Variants in KIF19 observed in about 807,000 individuals in gnomAD.
The protein encoded by KIF19 is kinesin-like protein KIF19.
In KIF19, 98 loss-of-function variants were observed where a neutral mutation model predicts 106.6. That is an observed-to-expected ratio of 0.92 (90% CI 0.78 to 1.09). The LOEUF (loss-of-function observed/expected upper bound fraction) is 1.09. KIF19 is among the 50% of genes least tolerant of loss of function. The pLI, the probability that KIF19 is intolerant of heterozygous loss-of-function variation, is 0.00. For synonymous variants in KIF19, 516 were observed against 584.2 expected (o/e 0.88, Z 1.68); for missense variants, 1,373 against 1,414.3 (o/e 0.97, Z 0.47).
In KIF19 at chr17:74,343,168, C is replaced by T; in HGVS notation, c.456+8C>T. Reference sequence around the variant, plus strand: ...TCCATGTCCTACCTGGAGGTGAGTCCCCCAGCCTAGGCTCAGATGGGGCTG... The same window carrying T: ...TCCATGTCCTACCTGGAGGTGAGTCTCCCAGCCTAGGCTCAGATGGGGCTG... On this transcript the variant is annotated splice_region_variant and intron_variant, in intron 5 of 19. Coordinates refer to ENST00000389916, the MANE Select transcript of KIF19 (RefSeq NM_153209.4). 1 of 1,611,366 alleles carries T rather than the reference C, an allele frequency of 6.2e-7. No homozygotes were observed. Among genetic ancestry groups the T allele is most frequent in the Non-Finnish European group, 8.5e-7 (1 of 1,179,456 alleles).
At chr17:74,342,984 C>T (rs1348607444) in intron 4 of KIF19, 40 bp from the exon 5 acceptor site, 3 of 1,547,836 alleles carry the variant, frequency 1.9e-6, no homozygotes, top group Non-Finnish European at 2.6e-6. Flanking sequence ...GCCTCCCTCC[C>T]AGCCCCACCC....
At position 74,331,101 on chromosome 17, in the gene KIF19, G is replaced by T. The variant is rs958343966; in HGVS notation, c.120+2596G>T. Reference sequence around the variant, plus strand: ...GATACATGAACCCAGGAAGCAAAATGCACATGGACCCCCCCTTACCCTTGT... The same window carrying T: ...GATACATGAACCCAGGAAGCAAAATTCACATGGACCCCCCCTTACCCTTGT... On this transcript the variant is annotated intron_variant, in intron 2 of 19. Transcript: ENST00000389916. This position sits in a 1 kb window ranked among gnomAD's most constrained non-coding sequence, Gnocchi z 4.1. 2.6e-5 allele frequency among the ~76,000 whole-genome samples: 4 copies of T among 152,108 alleles called. No homozygotes were observed. The highest frequency in any genetic ancestry group is 4.4e-5 in the Non-Finnish European group (3 of 68,018).
intron 6 of KIF19, 123 bp downstream of exon 6, chr17:74,344,471 A>G: frequency 7.0e-7 from 1 of 1,424,588 alleles, no homozygotes; most frequent in Non-Finnish European, 9.4e-7. Flanking sequence ...CAGACAGGAG[A>G]ATCCTGAGTG....
chr17:74,340,745 A>G (rs1452385042), intron 2 of KIF19, among the ~76,000 whole-genome samples: 3 of 152,188 alleles, frequency 2.0e-5, no homozygotes, highest in African/African-American at 7.2e-5. Context: ...CAGCCCTCTC[A>G]GCTGCGAGTG....
chr17:74,349,469 A>G, intron 10 of KIF19, 120 bp downstream of exon 10: 1 of 992,608 alleles, frequency 1.0e-6, no homozygotes. Context: ...TGGTTGAGCT[A>G]GGCACTCACC....
chr17:74,332,194 GTGTGTGTGTGTGTGTT>G lies in KIF19; in HGVS notation c.120+3705_120+3720del, dbSNP rs1205804082. 5.5e-3 allele frequency among the ~76,000 whole-genome samples: 343 copies of G among 62,868 alleles called. 4 individuals are homozygous for G. The highest frequency in any genetic ancestry group is 0.019 in the African/African-American group (317 of 16,496). The allele number at this position is 62,868 out of a possible 152,430, so 41.2% of individuals were successfully genotyped here. ...TGAACACCTCAGTGTGTGTGTGTGT[GTGTGTGTGTGTGTGTT>G]TGTGTGTGTGTGTGTGTGTGTGTGT... On this transcript the variant is annotated intron_variant, in intron 2 of 19. Coordinates refer to ENST00000389916, the MANE Select transcript of KIF19 (RefSeq NM_153209.4).
intron 2 of KIF19, among the ~76,000 whole-genome samples, chr17:74,333,347 AG>A (rs1303821259): frequency 6.6e-6 from 1 of 150,486 alleles, no homozygotes; most frequent in Non-Finnish European, 1.5e-5. Context: ...GGAATCATGC[AG>A]TATGTGGTCC....
intron 2 of KIF19, among the ~76,000 whole-genome samples, chr17:74,336,119 A>G (rs1289531078): frequency 6.6e-6 from 1 of 152,142 alleles, no homozygotes; most frequent in Non-Finnish European, 1.5e-5. Context: ...CCCAGGCTGG[A>G]TTGCAGTGGC....
chr17:74,348,911 C>T (rs767065454), intron 9 of KIF19: 214 of 484,820 alleles, frequency 4.4e-4, no homozygotes, highest in Non-Finnish European at 6.5e-4. Flanking sequence ...CATGCAGGAG[C>T]GGTGAGCCCA....
chr17:74,349,291 G>C lies in KIF19; in HGVS notation c.1155G>C (p.Gln385His). The C allele has an allele frequency of 6.2e-7, 1 of 1,612,814 alleles. No homozygotes were observed. The highest frequency in any genetic ancestry group is 8.5e-7 in the Non-Finnish European group (1 of 1,179,588). ...IQRLKRKIDE[Q>H]TGRGQARGRQ... The stretch of plus-strand genomic sequence containing the variant: ...GACTCAAGCGCAAGATTGATGAGCA[G>C]ACTGGGCGGGGCCAGGCCCGGGGCC... Residue 385 changes from glutamine to histidine, a missense_variant, in exon 10 of 20, where the codon CAG becomes CAC. Coordinates refer to ENST00000389916, the MANE Select transcript of KIF19 (RefSeq NM_153209.4).
Position 74,331,722 on chromosome 17 carries a change from G to C in KIF19, c.120+3217G>C, listed in dbSNP as rs899959338. On this transcript the variant is annotated intron_variant, in intron 2 of 19. Coordinates refer to ENST00000389916, the MANE Select transcript of KIF19 (RefSeq NM_153209.4). This position sits in a 1 kb window ranked among gnomAD's most constrained non-coding sequence, Gnocchi z 4.1. ...CTCCCATGTAGCTGGGATTACGGGC[G>C]CGCGCCACCGTGCCCAGCTAATTTT... Among the ~76,000 whole-genome samples, 1 of 151,966 alleles carries C rather than the reference G, an allele frequency of 6.6e-6. No individual in the cohort carries two copies.
chr17:74,334,260 G>A (rs1232740726), intron 2 of KIF19, among the ~76,000 whole-genome samples: 4 of 152,138 alleles, frequency 2.6e-5, no homozygotes, highest in African/African-American at 9.7e-5. Flanking sequence ...TAGGTTGCAA[G>A]GATCCTTACA....
rs2054532927 is a variant in KIF19 at position 74,346,439 on chromosome 17, T to C, written c.839T>C (p.Leu280Pro). 6.4e-7 allele frequency: 1 copy of C among 1,569,950 alleles called. No individual in the cohort carries two copies. The highest frequency in any genetic ancestry group is 8.6e-7 in the Non-Finnish European group (1 of 1,157,744). The part of the protein sequence containing the change: ...GAHINRSLLA[L>P]GNCINALSDK... ...CACATCAACCGCTCACTGCTGGCAC[T>C]GGGCAACTGCATCAACGCCCTGAGC... is the stretch of plus-strand genomic sequence containing the variant. The change falls in exon 8 of 20, where the codon CTG becomes CCG. Residue 280 changes from leucine to proline, a missense_variant. Leu to Pro is a moderately conservative substitution (Grantham distance 98). Coordinates refer to ENST00000389916, the MANE Select transcript of KIF19 (RefSeq NM_153209.4). The surrounding 1 kb of genome is among the most constrained non-coding windows in gnomAD (Gnocchi z 4.6).
At chr17:74,330,709 G>T (rs2054053673) in intron 2 of KIF19, among the ~76,000 whole-genome samples, 1 of 152,228 alleles carries the variant, frequency 6.6e-6, no homozygotes, top group Admixed American at 6.5e-5. Context: ...CCTGCGTGTG[G>T]AGCAGGAGGG....
chr17:74,354,500 T>G lies in KIF19; in HGVS notation c.2647T>G (p.Ser883Ala). ...AAGCCTGGGCAAGAAAAGGGAGGAG[T>G]CGCTGGAGGCAAAGAGAAGGAAGCG... ...KKSLGKKREE[S>A]LEAKRRKRRS... Residue 883 changes from serine (S) to alanine (A), a missense_variant, in exon 18 of 20, where the codon TCG becomes GCG. Transcript: ENST00000389916. The G allele has an allele frequency of 6.2e-7, 1 of 1,603,062 alleles. No individual in the cohort carries two copies. The highest frequency in any genetic ancestry group is 8.5e-7 in the Non-Finnish European group (1 of 1,176,012).
chr17:74,344,794 A>G lies in KIF19; in HGVS notation c.616A>G (p.Arg206Gly). Residue 206 changes from arginine to glycine, a missense_variant, in exon 7 of 20, where the codon AGG (arginine) becomes GGG (glycine). Physicochemically the swap from Arg to Gly is moderately radical, Grantham distance 125. This residue lies in a region of KIF19 where 348 missense variants were observed against 389.5 expected (regional missense o/e 0.89). Transcript: ENST00000389916. The stretch of plus-strand genomic sequence containing the variant: ...GCTGCTGATGAAGGGGAACCGGCAG[A>G]GGACCCAGGAGCCCACGGCCGCCAA... ...MQLLMKGNRQRTQEPTAANQT... is the reference protein window; with the variant it reads ...MQLLMKGNRQGTQEPTAANQT... 6.2e-7 allele frequency: 1 copy of G among 1,610,642 alleles called. No homozygotes were observed. The highest frequency in any genetic ancestry group is 1.1e-5 in the South Asian group (1 of 91,000).
At position 74,331,721 on chromosome 17, in the gene KIF19, C is replaced by T. The variant is rs1215929674; in HGVS notation, c.120+3216C>T. Among the ~76,000 whole-genome samples the T allele has an allele frequency of 3.3e-5, 5 of 151,872 alleles. No homozygotes were observed. The highest frequency in any genetic ancestry group is 2.1e-4 in the South Asian group (1 of 4,812). On this transcript the variant is annotated intron_variant, in intron 2 of 19. Coordinates refer to ENST00000389916, the MANE Select transcript of KIF19 (RefSeq NM_153209.4). The surrounding 1 kb of genome is among the most constrained non-coding windows in gnomAD (Gnocchi z 4.1). ...CCTCCCATGTAGCTGGGATTACGGGCGCGCGCCACCGTGCCCAGCTAATTT... is the reference window on the plus strand; with the variant it reads ...CCTCCCATGTAGCTGGGATTACGGGTGCGCGCCACCGTGCCCAGCTAATTT...
Position 74,326,339 on chromosome 17 carries a change from C to CTGCTGCAATCA in KIF19, c.-8_3dup. On this transcript the variant is annotated 5_prime_UTR_variant, in exon 1 of 20. It adds an upstream start codon to the 5' untranslated region. Coordinates refer to ENST00000389916, the MANE Select transcript of KIF19 (RefSeq NM_153209.4). Reference sequence around the variant, plus strand: ...GGTGGCGCGGCCTGAGCCCCTCCACCTGCTGCAATCATGAAGGACAGCGGG... The same window carrying CTGCTGCAATCA: ...GGTGGCGCGGCCTGAGCCCCTCCACCTGCTGCAATCATGCTGCAATCATGAAGGACAGCGGG... 1 of 1,611,118 alleles carries CTGCTGCAATCA rather than the reference C, an allele frequency of 6.2e-7. No individual in the cohort carries two copies. The highest frequency in any genetic ancestry group is 8.5e-7 in the Non-Finnish European group (1 of 1,178,988).
At chr17:74,345,430 A>G (rs2054507698) in intron 7 of KIF19, among the ~76,000 whole-genome samples, 1 of 152,062 alleles carries the variant, frequency 6.6e-6, no homozygotes, top group Non-Finnish European at 1.5e-5. Context: ...GTCACATCAC[A>G]AAGAGGAGAA....
Sources: allele counts gnomAD v4.1 joint callset (sites outside exome capture counted in the v4.1 genomes callset), GRCh38; gene constraint gnomAD v4.1.1; regional missense constraint gnomAD v4.1.1; non-coding constraint Gnocchi (gnomAD v3.1); transcripts MANE v1.5; gene names NCBI Gene and HGNC (gene_info 2026-07-23, HGNC 2026-07-21).